Variants in SDR42E2 observed in about 807,000 individuals in gnomAD.
SDR42E2 encodes short chain dehydrogenase/reductase family 42E, member 2, also known as putative short-chain dehydrogenase/reductase family 42E member 2.
Under a neutral mutation model 10.5 loss-of-function variants are expected in SDR42E2, and 20 were observed. That is an observed-to-expected ratio of 1.90 (90% CI 1.34 to 2.77). The LOEUF is 2.77. SDR42E2 is among the 30% of genes most tolerant of loss of function. The pLI is 0.00. For missense variants in SDR42E2, 162 were observed against 104.2 expected (o/e 1.55, Z -2.42); for synonymous variants, 72 against 39.2 (o/e 1.84, Z -3.12).
intron 7 of SDR42E2, among the ~76,000 whole-genome samples, chr16:22,177,552 C>T (rs549773740): frequency 4.6e-5 from 7 of 151,928 alleles, no homozygotes; most frequent in African/African-American, 9.7e-5. Context: ...TGCTTGAACC[C>T]GGGAGATGGA....
At chr16:22,182,081 C>A in intron 9 of SDR42E2, 131 bp from the exon 10 acceptor site, 1 of 424,162 alleles carries the variant, frequency 2.4e-6, no homozygotes, top group Non-Finnish European at 4.1e-6. Flanking sequence ...GGGAATAGTT[C>A]ACGTGTGTCC....
chr16:22,170,144 C>T (rs1336015057), intron 5 of SDR42E2, among the ~76,000 whole-genome samples: 12 of 151,882 alleles, frequency 7.9e-5, no homozygotes, highest in South Asian at 4.1e-4. Context: ...CACCTGAGGT[C>T]GGGAGTTCGG....
At chr16:22,163,130 T>G (rs753903165) in intron 1 of SDR42E2, among the ~76,000 whole-genome samples, 1 of 152,188 alleles carries the variant, frequency 6.6e-6, no homozygotes, top group African/African-American at 2.4e-5. Context: ...CCAGAAATAT[T>G]TGGGTCCATT....
intron 1 of SDR42E2, 39 bp from the exon 2 acceptor site, chr16:22,165,508 G>A (rs1288925451): frequency 2.5e-6 from 1 of 400,656 alleles, no homozygotes; most frequent in Admixed American, 4.4e-5. Context: ...GACTTGAAAC[G>A]ATTCTAGAGC....
chr16:22,188,545 C>G (rs2046750622), intron 12 of SDR42E2, among the ~76,000 whole-genome samples: 1 of 152,198 alleles, frequency 6.6e-6, no homozygotes, highest in South Asian at 2.1e-4. Context: ...AATGGTAGAG[C>G]TGGGATTTGA....
At chr16:22,164,893 T>A (rs1377163571) in intron 1 of SDR42E2, among the ~76,000 whole-genome samples, 1 of 152,240 alleles carries the variant, frequency 6.6e-6, no homozygotes, top group African/African-American at 2.4e-5. Context: ...TGATTTGCCC[T>A]GTCTTCCTTT....
At chr16:22,190,085 A>T (rs1598148201) in intron 12 of SDR42E2, 54 bp from the exon 13 acceptor site, 1 of 400,830 alleles carries the variant, frequency 2.5e-6, no homozygotes. Flanking sequence ...AACGAAGTAG[A>T]GGATGTCCTC....
intron 4 of SDR42E2, among the ~76,000 whole-genome samples, chr16:22,169,007 C>G (rs563917639): frequency 6.6e-6 from 1 of 152,152 alleles, no homozygotes; most frequent in Admixed American, 6.6e-5. Context: ...TCACAGCGGC[C>G]TAATTTTTGT....
chr16:22,167,165 ATTTTTTTTTTTTTTT>A lies in SDR42E2; in HGVS notation c.336+190_336+204del, dbSNP rs534502295. 3.4e-4 allele frequency among the ~76,000 whole-genome samples: 13 copies of A among 37,726 alleles called. No individual in the cohort carries two copies. In the South Asian group the frequency reaches 3.8e-3, roughly 11 times the overall value. The allele number at this position is 37,726 out of a possible 152,430, so 24.7% of individuals were successfully genotyped here. ...CATGACACCAAATACCAGTTCTGCC[ATTTTTTTTTTTTTTT>A]TTTTTTTTTTTTTTTTTTTTTTTGA... On this transcript the variant is annotated intron_variant, in intron 4 of 12. Transcript: ENST00000602312.
At chr16:22,177,723 G>A (rs2046656742) in intron 7 of SDR42E2, among the ~76,000 whole-genome samples, 1 of 152,162 alleles carries the variant, frequency 6.6e-6, no homozygotes, top group African/African-American at 2.4e-5. Flanking sequence ...GCATCTATGT[G>A]CATCTGTAAA....
At position 22,169,295 on chromosome 16, in the gene SDR42E2, G is replaced by T. The variant is rs1467335571; in HGVS notation, c.337-150G>T. On this transcript the variant is annotated intron_variant, in intron 4 of 12. Transcript: ENST00000602312. The stretch of plus-strand genomic sequence containing the variant: ...ACCCAGGAAGATGGTGGCAGAGCCA[G>T]GCACCCACACTCCAGGTGGGCCTTC... The T allele has an allele frequency of 4.7e-6, 3 of 639,428 alleles. No individual in the cohort carries two copies. The African/African-American group carries it at 5.4e-5, about 11-fold the overall frequency. 39.6% of individuals were successfully genotyped at this position (639,428 alleles called of 1,614,324 possible).
rs371309543 is a variant in SDR42E2 at position 22,163,639 on chromosome 16, G to A, written c.-37+1075G>A. 7.2e-5 allele frequency among the ~76,000 whole-genome samples: 11 copies of A among 152,132 alleles called. No individual in the cohort carries two copies. The East Asian group carries it at 1.3e-3, about 19-fold the overall frequency. On this transcript the variant is annotated intron_variant, in intron 1 of 12. Coordinates refer to ENST00000602312, the MANE Select transcript of SDR42E2 (RefSeq NM_001394319.2). ...GGAGAATTGCTTGAACAAGGCAGGC[G>A]GAGGTTGCAGTGAGCCAAGATCACA...
At chr16:22,171,242 C>G (rs1189395220) in intron 6 of SDR42E2, among the ~76,000 whole-genome samples, 1 of 151,732 alleles carries the variant, frequency 6.6e-6, no homozygotes, top group African/African-American at 2.4e-5. Context: ...TTTTTCTTTT[C>G]TTTTCTTTTG....
At chr16:22,166,028 T>C (rs1289988689) in intron 2 of SDR42E2, among the ~76,000 whole-genome samples, 1 of 138,640 alleles carries the variant, frequency 7.2e-6, no homozygotes, top group Non-Finnish European at 1.5e-5. Flanking sequence ...GGAGGTGGGT[T>C]GGGACCTGGT....
intron 7 of SDR42E2, among the ~76,000 whole-genome samples, chr16:22,175,941 C>T (rs967648362): frequency 5.3e-5 from 8 of 151,248 alleles, no homozygotes; most frequent in South Asian, 2.1e-4. Flanking sequence ...TGCAGTGAGC[C>T]GAGATCGTGC....
intron 12 of SDR42E2, among the ~76,000 whole-genome samples, chr16:22,189,405 C>T (rs1345971298): frequency 1.3e-5 from 2 of 152,152 alleles, no homozygotes; most frequent in Non-Finnish European, 2.9e-5. Flanking sequence ...ACCTCTCTGA[C>T]CTTTTTCCAA....
chr16:22,184,514 A>T (rs2046721969), intron 11 of SDR42E2, among the ~76,000 whole-genome samples: 1 of 152,196 alleles, frequency 6.6e-6, no homozygotes, highest in East Asian at 1.9e-4. Flanking sequence ...AGGCAGGAGA[A>T]TTGCTGTAAC....
chr16:22,181,316 C>T (rs8048178), intron 8 of SDR42E2, among the ~76,000 whole-genome samples: 6,804 of 152,082 alleles, frequency 0.045, 507 homozygotes, highest in African/African-American at 0.15. Context: ...GTGGGAGAGA[C>T]GATCAGATGC....
Position 22,181,570 on chromosome 16 carries a change from C to T in SDR42E2, c.724C>T (p.Arg242Trp), listed in dbSNP as rs548458854. 6.8e-5 allele frequency: 48 copies of T among 703,036 alleles called. No individual in the cohort carries two copies. The highest frequency in any genetic ancestry group is 3.0e-4 in the Admixed American group (15 of 50,002). The allele number at this position is 703,036 out of a possible 1,614,324, so 43.5% of individuals were successfully genotyped here. A position where few individuals can be genotyped will look rare whatever the true frequency, so the allele number is the denominator to read the frequency against. The change falls in exon 9 of 13, where the codon CGG (arginine) becomes TGG (tryptophan). Residue 242 changes from arginine (R) to tryptophan (W), a missense_variant. Arg to Trp is a moderately radical substitution (Grantham distance 101, BLOSUM62 -3). Transcript: ENST00000602312. ...GTTCCGATTTGGGGACCACAAGGCACGGATGAACTGGGTCCACGTACACAA... is the reference window on the plus strand; with the variant it reads ...GTTCCGATTTGGGGACCACAAGGCATGGATGAACTGGGTCCACGTACACAA... ...FMFRFGDHKA[R>W]MNWVHVHNLV...
Sources: gnomAD v4.1 joint callset for allele counts (sites outside exome capture counted in the v4.1 genomes callset) on GRCh38, gnomAD v4.1.1 for gene constraint, MANE v1.5 for transcripts, NCBI Gene and HGNC (gene_info 2026-07-23, HGNC 2026-07-21) for gene names.